LUC7L: variants seen among roughly 807,000 people sequenced by gnomAD.
LUC7L encodes LUC7 like.
In LUC7L, 29 loss-of-function variants were observed where a neutral mutation model predicts 51.1. That is an observed-to-expected ratio of 0.57 (90% CI 0.42 to 0.77). The LOEUF (loss-of-function observed/expected upper bound fraction) is 0.77. Among genes scored for constraint, LUC7L ranks in the 30% least tolerant of loss-of-function variants. The pLI, the probability that LUC7L is intolerant of heterozygous loss-of-function variation, is 0.00. For missense variants in LUC7L, 403 were observed against 511.9 expected (o/e 0.79, Z 2.05); for synonymous variants, 181 against 180.7 (o/e 1.00, Z -0.01).
At chr16:199,007 A>C in intron 6 of LUC7L, 55 bp downstream of exon 6, 9 of 1,491,696 alleles carry the variant, frequency 6.0e-6, no homozygotes, top group Non-Finnish European at 8.1e-6. Flanking sequence ...AAAATTAAAG[A>C]AATGTGAAAA....
intron 4 of LUC7L, among the ~76,000 whole-genome samples, chr16:206,668 A>T (rs990097685): frequency 1.3e-5 from 2 of 152,110 alleles, no homozygotes; most frequent in Non-Finnish European, 2.9e-5. Flanking sequence ...TTACATATAA[A>T]TCTACCTCCT....
At chr16:196,132 G>A (rs968309433) in intron 6 of LUC7L, among the ~76,000 whole-genome samples, 1 of 151,854 alleles carries the variant, frequency 6.6e-6, no homozygotes, top group Non-Finnish European at 1.5e-5. Flanking sequence ...TTAGGGCCAA[G>A]CACTGTGGCC....
chr16:190,016 TGGCTCCGGGAACGGCTGC>T lies in LUC7L; in HGVS notation c.908_925del (p.Arg303_Ser308del). On this transcript the variant is annotated inframe_deletion, in exon 9 of 10. Coordinates refer to ENST00000293872, the MANE Select transcript of LUC7L (RefSeq NM_201412.3). ...GGAAGCCCGACGATGTCCCCGGCTGTGGCTCCGGGAACGGCTGCGGTGGCGCCGATGTCTATCTCGGGA... is the reference window on the plus strand; with the variant it reads ...GGAAGCCCGACGATGTCCCCGGCTGTGGTGGCGCCGATGTCTATCTCGGGA... 1 of 1,614,072 alleles carries T rather than the reference TGGCTCCGGGAACGGCTGC, an allele frequency of 6.2e-7. No homozygotes were observed. The highest frequency in any genetic ancestry group is 8.5e-7 in the Non-Finnish European group (1 of 1,180,000).
Position 189,037 on chromosome 16 carries a change from G to T in LUC7L, c.*161C>A. 1.3e-6 allele frequency: 1 copy of T among 766,666 alleles called. No individual in the cohort carries two copies. Among genetic ancestry groups the T allele is most frequent in the Non-Finnish European group, 2.1e-6 (1 of 479,704 alleles). The allele number at this position is 766,666 out of a possible 1,614,324, so 47.5% of individuals were successfully genotyped here. A position where few individuals can be genotyped will look rare whatever the true frequency, so the allele number is the denominator to read the frequency against. ...TTTATTCCTACTCAACATGACCCGG[G>T]AACACAGGAGCAACTCTGTACACTT... On this transcript the variant is annotated 3_prime_UTR_variant, in exon 10 of 10. Transcript: ENST00000293872.
intron 2 of LUC7L, among the ~76,000 whole-genome samples, chr16:221,113 G>C (rs2049953413): frequency 6.6e-6 from 1 of 151,714 alleles, no homozygotes; most frequent in African/African-American, 2.4e-5. Flanking sequence ...TCTGCCTCCG[G>C]GGTTCAGGCA....
At chr16:199,405 G>T (rs974514666) in intron 5 of LUC7L, among the ~76,000 whole-genome samples, 167 bp from the exon 6 acceptor site, 1 of 152,174 alleles carries the variant, frequency 6.6e-6, no homozygotes, top group African/African-American at 2.4e-5. Flanking sequence ...AATTTTCACT[G>T]TTTATTTAAG....
intron 3 of LUC7L, among the ~76,000 whole-genome samples, chr16:218,477 T>C (rs1246738856): frequency 6.6e-6 from 1 of 152,076 alleles, no homozygotes; most frequent in Non-Finnish European, 1.5e-5. Flanking sequence ...ACCCAGCACT[T>C]TGGGAGAGTG....
In LUC7L at chr16:199,155, A is replaced by C. The variant is rs112634497; in HGVS notation, c.594T>G (p.Gly198=). 9.3e-4 allele frequency: 1,501 copies of C among 1,613,704 alleles called. 16 individuals are homozygous for C. In the African/African-American group the frequency reaches 0.017, roughly 18 times the overall value. Reference sequence around the variant, plus strand: ...CCAGGCGACGGTCATTGTCATGGAGACCAAGGTAGGCTGAACAGACCTCGC... The same window carrying C: ...CCAGGCGACGGTCATTGTCATGGAGCCCAAGGTAGGCTGAACAGACCTCGC... ...RVCEVCSAYL[G]LHDNDRRLAD... is the part of the protein sequence containing the mutation. Residue 198 remains glycine (G), a synonymous_variant, in exon 6 of 10, where the codon GGT becomes GGG. Coordinates refer to ENST00000293872, the MANE Select transcript of LUC7L (RefSeq NM_201412.3).
At chr16:201,136 T>G (rs184128670) in intron 5 of LUC7L, among the ~76,000 whole-genome samples, 1,750 of 118,348 alleles carry the variant, frequency 0.015, 19 homozygotes, top group Middle Eastern at 0.041. Flanking sequence ...ACCACAGCAA[T>G]CCAGCCTGGG....
chr16:216,380 G>GTTTTT (rs34292372), intron 3 of LUC7L, among the ~76,000 whole-genome samples: 12 of 107,302 alleles, frequency 1.1e-4, no homozygotes, highest in African/African-American at 3.0e-4. Context: ...TCAAATAGTT[G>GTTTTT]TTTTTTTTTT....
At chr16:207,334 C>T (rs747996820) in intron 4 of LUC7L, among the ~76,000 whole-genome samples, 8 of 152,042 alleles carry the variant, frequency 5.3e-5, no homozygotes, top group South Asian at 4.1e-4. Context: ...GTGATCCTCC[C>T]ACCTCAGCCT....
At chr16:227,191 A>G (rs1397824405) in intron 2 of LUC7L, 51 bp downstream of exon 2, 2 of 1,465,328 alleles carry the variant, frequency 1.4e-6, no homozygotes, top group Admixed American at 1.7e-5. Context: ...GTCACTGCCT[A>G]TACAGCACTC....
Position 190,138 on chromosome 16 carries a change from G to A in LUC7L, c.807-3C>T. Reference sequence around the variant, plus strand: ...GACGCCGATCCCGGGAGCGTGACCTGAACAATCAGAAGGCTCCAAGGCTGA... The same window carrying A: ...GACGCCGATCCCGGGAGCGTGACCTAAACAATCAGAAGGCTCCAAGGCTGA... On this transcript the variant is annotated splice_polypyrimidine_tract_variant and splice_region_variant and intron_variant, in intron 8 of 9. Transcript: ENST00000293872. 1.2e-6 allele frequency: 2 copies of A among 1,608,320 alleles called. No homozygotes were observed. The highest frequency in any genetic ancestry group is 1.7e-6 in the Non-Finnish European group (2 of 1,178,990).
At position 189,285 on chromosome 16, in the gene LUC7L, C is replaced by T. The variant is rs766781976; in HGVS notation, c.1029G>A (p.Glu343=). The T allele has an allele frequency of 2.2e-5, 36 of 1,613,590 alleles. No individual in the cohort carries two copies. The highest frequency in any genetic ancestry group is 3.1e-5 in the Non-Finnish European group (36 of 1,179,972). The change falls in exon 10 of 10, where the codon GAG becomes GAA. Residue 343 remains glutamate (E), a synonymous_variant. Transcript: ENST00000293872. ...REESWESGRS[E]RGPPDWRLES... ...CAAGCCTCCAGTCCGGGGGCCCTCG[C>T]TCGCTCCGCCCGCTCTCCCAGGACT...
intron 1 of LUC7L, 182 bp downstream of exon 1, chr16:229,097 G>T (rs957237282): frequency 4.3e-6 from 6 of 1,410,682 alleles, no homozygotes; most frequent in Non-Finnish European, 5.5e-6. Context: ...TGGACCCACG[G>T]CCGCCTCAGA....
chr16:199,231 T>A lies in LUC7L; in HGVS notation c.518A>T (p.Tyr173Phe). ...ACTGGATGCAGGCATGGAATTTCTGTATTCTTCCTGAAGAAGGAAAATGGA... is the reference window on the plus strand; with the variant it reads ...ACTGGATGCAGGCATGGAATTTCTGAATTCTTCCTGAAGAAGGAAAATGGA... ...RAKKKEAEEE[Y>F]RNSMPASSFQ... Residue 173 changes from tyrosine to phenylalanine, a missense_variant, in exon 6 of 10, where the codon TAC becomes TTC. This residue lies in a region of LUC7L where 182 missense variants were observed against 248.4 expected (regional missense o/e 0.73). Coordinates refer to ENST00000293872, the MANE Select transcript of LUC7L (RefSeq NM_201412.3). The A allele has an allele frequency of 1.3e-6, 2 of 1,592,380 alleles. No individual in the cohort carries two copies. The highest frequency in any genetic ancestry group is 1.1e-5 in the South Asian group (1 of 89,442).
intron 2 of LUC7L, among the ~76,000 whole-genome samples, chr16:224,558 G>A (rs1040671854): frequency 3.3e-5 from 5 of 151,422 alleles, no homozygotes; most frequent in Middle Eastern, 3.4e-3. Context: ...GGCCAGGCGC[G>A]GTGGCTCATG....
At position 215,796 on chromosome 16, in the gene LUC7L, G is replaced by C. The variant is rs115902387; in HGVS notation, c.255+4853C>G. On this transcript the variant is annotated intron_variant, in intron 3 of 9. Transcript: ENST00000293872. ...CCAGCCTGGACGAGAGTGAGACACT[G>C]TCTCAAAAAAAAAAAAAACATCGAC... 6.1e-3 allele frequency among the ~76,000 whole-genome samples: 931 copies of C among 152,074 alleles called. 17 individuals are homozygous for C. Among genetic ancestry groups the C allele is most frequent in the African/African-American group, 0.021 (862 of 41,508 alleles).
At chr16:228,074 C>T (rs2050174262) in intron 1 of LUC7L, 1 of 1,148,772 alleles carries the variant, frequency 8.7e-7, no homozygotes, top group Non-Finnish European at 1.1e-6. Context: ...CCCACACCTG[C>T]AGTAAGGAAG....
Sources: gnomAD v4.1 joint callset for allele counts (sites outside exome capture counted in the v4.1 genomes callset) on GRCh38, gnomAD v4.1.1 for gene constraint, gnomAD v4.1.1 regional missense constraint, MANE v1.5 for transcripts, NCBI Gene and HGNC (gene_info 2026-07-23, HGNC 2026-07-21) for gene names.